The following DLEU7 variants were observed in gnomAD, a reference collection of about 807,000 sequenced individuals.
DLEU7 encodes the protein leukemia-associated protein 7.
DLEU7 carries 17 observed loss-of-function variants against 16.0 expected under a neutral mutation model. The observed-to-expected ratio is 1.06, with a 90% CI of 0.73 to 1.59. The LOEUF is 1.59. DLEU7 is among the 40% of genes most tolerant of loss of function. The probability of loss-of-function intolerance (pLI) is 0.00; values close to 1 mark genes in which losing one functional copy is unlikely to be tolerated. For missense variants in DLEU7, 308 were observed against 314.9 expected (o/e 0.98, Z 0.17); for synonymous variants, 113 against 139.8 (o/e 0.81, Z 1.35).
intron 1 of DLEU7, among the ~76,000 whole-genome samples, chr13:50,813,571 G>A (rs1165016732): frequency 6.6e-6 from 1 of 151,958 alleles, no homozygotes; most frequent in Admixed American, 6.6e-5. Context: ...AAAATAAAGA[G>A]CAAATGTCAT....
chr13:50,746,567 C>G (rs1874401823), intron 1 of DLEU7, among the ~76,000 whole-genome samples: 1 of 152,160 alleles, frequency 6.6e-6, no homozygotes, highest in Non-Finnish European at 1.5e-5. Context: ...CTAATACCTT[C>G]CCCTCTGAGT....
At chr13:50,773,918 T>C (rs112160650) in intron 1 of DLEU7, among the ~76,000 whole-genome samples, 86 of 152,326 alleles carry the variant, frequency 5.6e-4, no homozygotes, top group Non-Finnish European at 8.5e-4. Context: ...TGTGGTGGGC[T>C]GCACCAGTTT....
intron 1 of DLEU7, among the ~76,000 whole-genome samples, chr13:50,733,127 C>T (rs1873966345): frequency 6.6e-6 from 1 of 152,176 alleles, no homozygotes; most frequent in South Asian, 2.1e-4. Flanking sequence ...ATAAGTGGTT[C>T]TCAGCACTTG....
chr13:50,765,236 G>A (rs1357634987), intron 1 of DLEU7, among the ~76,000 whole-genome samples: 1 of 152,110 alleles, frequency 6.6e-6, no homozygotes, highest in African/African-American at 2.4e-5. Flanking sequence ...TCAAAATTAA[G>A]AATCACTAAA....
At chr13:50,771,001 T>A (rs1875290293) in intron 1 of DLEU7, among the ~76,000 whole-genome samples, 1 of 152,216 alleles carries the variant, frequency 6.6e-6, no homozygotes, top group African/African-American at 2.4e-5. Context: ...CTTGGGAGGT[T>A]GTATGTGTCC....
chr13:50,805,517 T>A (rs1035665644), intron 1 of DLEU7, among the ~76,000 whole-genome samples: 5 of 151,248 alleles, frequency 3.3e-5, no homozygotes, highest in Non-Finnish European at 5.9e-5. Context: ...ATTTTCTTCT[T>A]CAAGAACACC....
chr13:50,740,300 G>A (rs1049205320), intron 1 of DLEU7, among the ~76,000 whole-genome samples: 6 of 152,028 alleles, frequency 3.9e-5, no homozygotes, highest in African/African-American at 1.4e-4. Context: ...GAATCCTGTG[G>A]GCAACTTTCC....
At chr13:50,730,024 A>C (rs1037628951) in intron 1 of DLEU7, among the ~76,000 whole-genome samples, 1 of 152,192 alleles carries the variant, frequency 6.6e-6, no homozygotes, top group African/African-American at 2.4e-5. Flanking sequence ...CTTACAATAG[A>C]GTAAGCTAGA....
intron 1 of DLEU7, among the ~76,000 whole-genome samples, chr13:50,764,875 T>C (rs1370587245): frequency 6.7e-6 from 1 of 149,852 alleles, no homozygotes; most frequent in Non-Finnish European, 1.5e-5. Flanking sequence ...TTTTTTGGGT[T>C]TGTTTTGTTT....
chr13:50,818,936 A>G (rs887708041), downstream of DLEU7, among the ~76,000 whole-genome samples: 6 of 152,172 alleles, frequency 3.9e-5, no homozygotes, highest in African/African-American at 1.2e-4. Flanking sequence ...TTTCACCACA[A>G]TATCCCTAAT....
At chr13:50,843,818 G>A, upstream of DLEU7, 1 of 880,998 alleles carries the variant, frequency 1.1e-6, no homozygotes, top group Non-Finnish European at 1.6e-6. This position sits in a 1 kb window ranked among gnomAD's most constrained non-coding sequence, Gnocchi z 5.7. Flanking sequence ...GACCCGTGCT[G>A]GCCTCTGCCT....
intron 1 of DLEU7, among the ~76,000 whole-genome samples, chr13:50,785,026 C>T (rs757718413): frequency 7.2e-5 from 11 of 152,184 alleles, no homozygotes; most frequent in Non-Finnish European, 1.0e-4. Context: ...CCTCAGCTTA[C>T]GTCATGCCCT....
chr13:50,748,661 G>A (rs191199029), intron 1 of DLEU7, among the ~76,000 whole-genome samples: 193 of 152,198 alleles, frequency 1.3e-3, no homozygotes, highest in Non-Finnish European at 2.4e-3. Context: ...AAGGAGGCTG[G>A]TCTAAGAGTC....
intron 1 of DLEU7, among the ~76,000 whole-genome samples, chr13:50,805,740 CT>C (rs1876369254): frequency 6.6e-6 from 1 of 152,188 alleles, no homozygotes; most frequent in African/African-American, 2.4e-5. Context: ...AACCTCACCA[CT>C]TTGAGGCCCA....
At chr13:50,821,377 G>C (rs1381426356), downstream of DLEU7, among the ~76,000 whole-genome samples, 1 of 152,128 alleles carries the variant, frequency 6.6e-6, no homozygotes, top group African/African-American at 2.4e-5. Flanking sequence ...AGTTCTAGTA[G>C]CATCATAGAA....
chr13:50,729,480 C>T (rs1873860024), intron 1 of DLEU7, among the ~76,000 whole-genome samples: 1 of 152,062 alleles, frequency 6.6e-6, no homozygotes, highest in Admixed American at 6.5e-5. Flanking sequence ...GTGAACAGTG[C>T]CACAATGATC....
At chr13:50,842,912 G>A (rs950651113) in intron 1 of DLEU7, among the ~76,000 whole-genome samples, 1 of 152,160 alleles carries the variant, frequency 6.6e-6, no homozygotes, top group East Asian at 1.9e-4. Context: ...ATTTATGTGA[G>A]AGAGGAAGGA....
chr13:50,824,266 T>A (rs766625570), intron 1 of DLEU7, among the ~76,000 whole-genome samples: 1 of 152,180 alleles, frequency 6.6e-6, no homozygotes, highest in Non-Finnish European at 1.5e-5. Context: ...CCCTAAATGG[T>A]TTATTTTCTA....
At chr13:50,716,316 G>A (rs1873437520) in intron 1 of DLEU7, among the ~76,000 whole-genome samples, 1 of 152,180 alleles carries the variant, frequency 6.6e-6, no homozygotes, top group Non-Finnish European at 1.5e-5. Flanking sequence ...TCATTGAAAT[G>A]TTTGGTTACA....
Sources: allele counts gnomAD v4.1 joint callset (sites outside exome capture counted in the v4.1 genomes callset), GRCh38; gene constraint gnomAD v4.1.1; non-coding constraint Gnocchi (gnomAD v3.1); transcripts MANE v1.5; gene names NCBI Gene and HGNC (gene_info 2026-07-23, HGNC 2026-07-21).